ACOXL: variants seen among roughly 807,000 people sequenced by gnomAD.
ACOXL encodes acyl-coenzyme A oxidase-like protein.
A neutral mutation model predicts 71.9 loss-of-function variants in ACOXL; 70 were observed. The observed-to-expected ratio is 0.97, with a 90% CI of 0.80 to 1.19. The LOEUF is 1.19. Ranked by LOEUF, ACOXL falls within the 50% of genes most tolerant of loss-of-function variation. The pLI is 0.00. For missense variants in ACOXL, 703 were observed against 736.3 expected, an observed-to-expected ratio of 0.95 and a Z score of 0.52; for synonymous variants, 253 against 281.6, an observed-to-expected ratio of 0.90 and a Z score of 1.02.
chr2:110,791,611 G>GGTGT (rs1195689538), intron 3 of ACOXL, among the ~76,000 whole-genome samples: 1 of 152,146 alleles, frequency 6.6e-6, no homozygotes, highest in Admixed American at 6.5e-5. Flanking sequence ...GAGTCTTCAG[G>GGTGT]GTGTGAATCA....
At chr2:110,734,096 C>G (rs1402474550) in intron 1 of ACOXL, among the ~76,000 whole-genome samples, 1 of 151,856 alleles carries the variant, frequency 6.6e-6, no homozygotes, top group East Asian at 1.9e-4. Flanking sequence ...CGATGCTACT[C>G]TTCTTGCTAA....
chr2:111,049,076 GT>G, intron 15 of ACOXL, 141 bp from the exon 16 acceptor site: 1 of 686,776 alleles, frequency 1.5e-6, no homozygotes, highest in Non-Finnish European at 2.5e-6. Context: ...GCAGGGGACA[GT>G]TGGGGAGCTC....
intron 9 of ACOXL, among the ~76,000 whole-genome samples, chr2:110,811,730 T>TACACGCAC (rs1687346203): frequency 9.8e-6 from 1 of 101,614 alleles, no homozygotes; most frequent in African/African-American, 3.7e-5. Flanking sequence ...TTTTTTTGCA[T>TACACGCAC]ACACACACAC....
At chr2:110,906,015 C>T (rs958732701) in intron 10 of ACOXL, among the ~76,000 whole-genome samples, 45 of 152,164 alleles carry the variant, frequency 3.0e-4, no homozygotes, top group African/African-American at 8.2e-4. Context: ...GAAATGGCAC[C>T]GCTACAAGGT....
chr2:110,947,161 G>T (rs879614365), intron 12 of ACOXL, among the ~76,000 whole-genome samples: 1 of 152,206 alleles, frequency 6.6e-6, no homozygotes, highest in Non-Finnish European at 1.5e-5. Context: ...GTCATGTGAC[G>T]CAGGCCTGGC....
chr2:111,080,513 A>G (rs2067847295), intron 16 of ACOXL, among the ~76,000 whole-genome samples: 2 of 152,096 alleles, frequency 1.3e-5, no homozygotes, highest in South Asian at 4.1e-4. Context: ...TAGTTGTGTG[A>G]TTGAGGCAAT....
At chr2:110,797,636 T>C (rs1356346072) in intron 5 of ACOXL, among the ~76,000 whole-genome samples, 1 of 152,174 alleles carries the variant, frequency 6.6e-6, no homozygotes, top group Non-Finnish European at 1.5e-5. Flanking sequence ...GCAGGAAGGT[T>C]CAGGGCCTGG....
chr2:110,928,070 A>C (rs1574156693), intron 11 of ACOXL, among the ~76,000 whole-genome samples: 1 of 152,342 alleles, frequency 6.6e-6, no homozygotes, highest in East Asian at 1.9e-4. Context: ...GAGCAACTCA[A>C]GCAGTCCAGG....
chr2:111,017,751 C>T (rs1370848592), intron 14 of ACOXL: 1 of 152,332 alleles, frequency 6.6e-6, no homozygotes, highest in African/African-American at 2.4e-5. Context: ...TCTTGGTGAC[C>T]TGTTCAGATT....
At chr2:110,850,456 G>A (rs192981857) in intron 10 of ACOXL, among the ~76,000 whole-genome samples, 1 of 152,090 alleles carries the variant, frequency 6.6e-6, no homozygotes, top group Admixed American at 6.6e-5. Flanking sequence ...AAAAATACTC[G>A]AACTGATTAT....
At chr2:111,046,664 A>G (rs2066029634) in intron 15 of ACOXL, among the ~76,000 whole-genome samples, 1 of 152,164 alleles carries the variant, frequency 6.6e-6, no homozygotes, top group Non-Finnish European at 1.5e-5. Flanking sequence ...CACCCCCATG[A>G]TTCATTTACC....
intron 17 of ACOXL, chr2:111,113,261 C>A (rs980000425): frequency 1.3e-5 from 2 of 152,194 alleles, no homozygotes; most frequent in African/African-American, 2.4e-5. Flanking sequence ...GACTTAAATT[C>A]TTTAAGCCTT....
chr2:110,880,155 A>AC (rs1209763072), intron 10 of ACOXL, among the ~76,000 whole-genome samples: 16 of 66,272 alleles, frequency 2.4e-4, no homozygotes, highest in African/African-American at 7.1e-4. Flanking sequence ...GTCACAAACA[A>AC]AAAAAAAAAA....
At chr2:111,032,145 T>C (rs143834384) in intron 15 of ACOXL, among the ~76,000 whole-genome samples, 36 of 152,314 alleles carry the variant, frequency 2.4e-4, no homozygotes, top group Non-Finnish European at 3.7e-4. Context: ...CAGAATTACT[T>C]AGACCTCATC....
chr2:111,117,635 C>T lies in ACOXL; in HGVS notation c.1562C>T (p.Ser521Leu), dbSNP rs2070453193. 1.9e-6 allele frequency: 3 copies of T among 1,551,762 alleles called. No homozygotes were observed. Among genetic ancestry groups the T allele is most frequent in the African/African-American group, 2.7e-5 (2 of 73,180 alleles). The change falls in exon 18 of 18, where the codon TCG (serine) becomes TTG (leucine). Residue 521 changes from serine to leucine, a missense_variant. Transcript: ENST00000439055. ...IRNQLLDLCD[S>L]VKDDARRVIS... Reference sequence around the variant, plus strand: ...TTGCAGTTGCTGGATTTGTGCGACTCGGTGAAGGATGATGCCCGGAGGGTG... The same window carrying T: ...TTGCAGTTGCTGGATTTGTGCGACTTGGTGAAGGATGATGCCCGGAGGGTG...
intron 15 of ACOXL, among the ~76,000 whole-genome samples, chr2:111,033,414 T>C (rs529668804): frequency 5.9e-5 from 9 of 152,344 alleles, no homozygotes; most frequent in African/African-American, 2.2e-4. Flanking sequence ...CATCAGTACA[T>C]GCCCTATCTG....
intron 10 of ACOXL, among the ~76,000 whole-genome samples, chr2:110,864,918 G>A (rs1478455337): frequency 1.3e-5 from 2 of 152,220 alleles, no homozygotes; most frequent in Non-Finnish European, 2.9e-5. Context: ...ACTGTGATCA[G>A]GCACCTGTTG....
At chr2:111,006,890 C>T (rs2063903530) in intron 14 of ACOXL, among the ~76,000 whole-genome samples, 1 of 152,082 alleles carries the variant, frequency 6.6e-6, no homozygotes, top group Non-Finnish European at 1.5e-5. Context: ...CCTAACAACC[C>T]AGACACCAGT....
At chr2:110,937,062 G>A (rs1354484644) in intron 12 of ACOXL, among the ~76,000 whole-genome samples, 2 of 152,132 alleles carry the variant, frequency 1.3e-5, no homozygotes, top group Non-Finnish European at 2.9e-5. Flanking sequence ...GGTCAGGCTG[G>A]TCTCGAACTA....
Sources: allele counts gnomAD v4.1 joint callset (sites outside exome capture counted in the v4.1 genomes callset), GRCh38; gene constraint gnomAD v4.1.1; transcripts MANE v1.5; gene names NCBI Gene and HGNC (gene_info 2026-07-23, HGNC 2026-07-21).